Variants in EVL observed in about 807,000 individuals in gnomAD.
The protein encoded by EVL is ena/VASP-like protein.
In EVL, 21 loss-of-function variants were observed where a neutral mutation model predicts 59.6. That is an observed-to-expected ratio of 0.35 (90% CI 0.25 to 0.51). EVL has a LOEUF of 0.51. Ranked by LOEUF, EVL falls within the 20% of genes least tolerant of loss-of-function variation. The pLI, the probability that EVL is intolerant of heterozygous loss-of-function variation, is 0.97. For missense variants in EVL, 462 were observed against 546.6 expected (o/e 0.85, Z 1.54); for synonymous variants, 198 against 203.5 (o/e 0.97, Z 0.23).
chr14:100,124,758 C>T lies in EVL; in HGVS notation c.422+1156C>T, dbSNP rs865975751. Reference sequence around the variant, plus strand: ...GGATGGCTAAATGGGTACTTCATTTCTCTCGAAACTGCTTCATCACCCGCA... The same window carrying T: ...GGATGGCTAAATGGGTACTTCATTTTTCTCGAAACTGCTTCATCACCCGCA... On this transcript the variant is annotated intron_variant, in intron 4 of 13. Transcript: ENST00000392920. 1.2e-4 allele frequency among the ~76,000 whole-genome samples: 18 copies of T among 152,302 alleles called. 1 individual carries two copies. Among genetic ancestry groups the T allele is most frequent in the South Asian group, 4.1e-4 (2 of 4,826 alleles).
chr14:99,971,877 GC>G (rs2060735266), exon 1 of EVL: 1 of 147,204 alleles, frequency 6.8e-6, no homozygotes, highest in African/African-American at 2.5e-5. Context: ...GCAGCTAGCG[GC>G]CCCGACGCCC....
intron 1 of EVL, among the ~76,000 whole-genome samples, chr14:100,031,763 C>T (rs1361211891): frequency 1.3e-5 from 2 of 152,258 alleles, no homozygotes; most frequent in Non-Finnish European, 2.9e-5. Context: ...TGTGACTACT[C>T]TGCCCCCCAT....
At chr14:100,055,572 T>C (rs1443835103) in intron 1 of EVL, among the ~76,000 whole-genome samples, 1 of 152,236 alleles carries the variant, frequency 6.6e-6, no homozygotes, top group African/African-American at 2.4e-5. Flanking sequence ...TGGTATAGAC[T>C]GAAAAGTAAG....
At chr14:100,059,339 A>G (rs1416577944) in intron 1 of EVL, among the ~76,000 whole-genome samples, 1 of 152,180 alleles carries the variant, frequency 6.6e-6, no homozygotes, top group African/African-American at 2.4e-5. Flanking sequence ...GTGGAGCCCA[A>G]ATGGAAAGGT....
intron 1 of EVL, among the ~76,000 whole-genome samples, chr14:100,043,728 T>G (rs2061504562): frequency 6.7e-6 from 1 of 148,222 alleles, no homozygotes; most frequent in South Asian, 2.3e-4. Flanking sequence ...TCCTCCCACC[T>G]CAGCCTCCCA....
At chr14:100,080,859 C>G (rs933009871) in intron 1 of EVL, among the ~76,000 whole-genome samples, 7 of 152,250 alleles carry the variant, frequency 4.6e-5, no homozygotes, top group Non-Finnish European at 5.9e-5. Flanking sequence ...ATAAAAGAAG[C>G]CTGTGAGACT....
At chr14:100,005,846 A>G (rs1361401295) in intron 1 of EVL, among the ~76,000 whole-genome samples, 1 of 152,088 alleles carries the variant, frequency 6.6e-6, no homozygotes, top group Non-Finnish European at 1.5e-5. Context: ...GTCCCGGTGG[A>G]AAAAAAAGAA....
chr14:100,041,994 G>T (rs1204553856), intron 1 of EVL, among the ~76,000 whole-genome samples: 2 of 152,164 alleles, frequency 1.3e-5, no homozygotes, highest in Non-Finnish European at 2.9e-5. Context: ...AATGGGAGCT[G>T]CATGTGGAAT....
At chr14:100,085,472 C>T (rs138346488) in intron 2 of EVL, among the ~76,000 whole-genome samples, 141 of 152,284 alleles carry the variant, frequency 9.3e-4, no homozygotes, top group Non-Finnish European at 1.7e-3. Context: ...ATAGGCTGGG[C>T]GACTTAACCA....
At position 100,143,874 on chromosome 14, in the gene EVL, TG is replaced by T; in HGVS notation, c.*137del. 1 of 1,030,200 alleles carries T rather than the reference TG, an allele frequency of 9.7e-7. No homozygotes were observed. The highest frequency in any genetic ancestry group is 1.4e-6 in the Non-Finnish European group (1 of 708,670). The allele number at this position is 1,030,200 out of a possible 1,614,324, so 63.8% of individuals were successfully genotyped here. ...CGCGCTGCTGTGAAACGTCCTGACC[TG>T]TGATCACACATGACAGTGAGGAAAC... On this transcript the variant is annotated 3_prime_UTR_variant, in exon 14 of 14. Coordinates refer to ENST00000392920, the MANE Select transcript of EVL (RefSeq NM_016337.3).
intron 1 of EVL, among the ~76,000 whole-genome samples, chr14:99,992,768 T>C (rs1198354923): frequency 6.6e-6 from 1 of 152,220 alleles, no homozygotes; most frequent in African/African-American, 2.4e-5. Context: ...CCTTATTTCT[T>C]CTGATCTTAG....
At position 100,141,777 on chromosome 14, in the gene EVL, G is replaced by A. The variant is rs200049868; in HGVS notation, c.1203G>A (p.Lys401=). ...TGGTGAGAGAGCTCCACAAGGTGAA[G>A]GAGGAGATCATCGACGGTGAGTGCA... is the stretch of plus-strand genomic sequence containing the variant. ...EEVVRELHKV[K]EEIIDAIRQE... is the part of the protein sequence containing the mutation. The change falls in exon 13 of 14, where the codon AAG becomes AAA. Residue 401 remains lysine (K), a synonymous_variant. Transcript: ENST00000392920. The A allele has an allele frequency of 5.8e-5, 93 of 1,613,408 alleles. No homozygotes were observed. In the Admixed American group the frequency reaches 8.3e-4, roughly 14 times the overall value.
At chr14:100,104,957 G>A (rs1242164329) in intron 3 of EVL, among the ~76,000 whole-genome samples, 1 of 143,332 alleles carries the variant, frequency 7.0e-6, no homozygotes, top group Non-Finnish European at 1.5e-5. Flanking sequence ...TGTAGCTGAA[G>A]GAGAAGAAGG....
Position 100,127,690 on chromosome 14 carries a change from C to CCGGT in EVL, c.488-826_488-823dup, listed in dbSNP as rs1373892198. Among the ~76,000 whole-genome samples, 1 of 152,200 alleles carries CCGGT rather than the reference C, an allele frequency of 6.6e-6. No individual in the cohort carries two copies. The highest frequency in any genetic ancestry group is 1.5e-5 in the Non-Finnish European group (1 of 68,038). ...CTTCACCTAACTGAACCCCTGCTCT[C>CCGGT]CGGTCGTGTCCCAGCTCCACAGTCA... is the stretch of plus-strand genomic sequence containing the variant. On this transcript the variant is annotated intron_variant, in intron 5 of 13. Transcript: ENST00000392920. The surrounding 1 kb of genome is among the most constrained non-coding windows in gnomAD (Gnocchi z 4.2).
chr14:100,079,667 T>G (rs542554195), intron 1 of EVL, among the ~76,000 whole-genome samples: 1 of 152,292 alleles, frequency 6.6e-6, no homozygotes, highest in South Asian at 2.1e-4. Context: ...GACCTTCCTT[T>G]TTCCCTTACT....
At chr14:100,005,100 CAG>C (rs1207459017) in intron 1 of EVL, among the ~76,000 whole-genome samples, 1 of 152,166 alleles carries the variant, frequency 6.6e-6, no homozygotes, top group Non-Finnish European at 1.5e-5. Flanking sequence ...ATAACAGAGA[CAG>C]TGAAAAAGAT....
At chr14:100,039,094 A>G (rs756043370) in intron 1 of EVL, among the ~76,000 whole-genome samples, 1 of 152,216 alleles carries the variant, frequency 6.6e-6, no homozygotes, top group Non-Finnish European at 1.5e-5. Context: ...TGAGCTTTTC[A>G]AAGTTAAACC....
chr14:100,002,336 C>T (rs1191471441), intron 1 of EVL, among the ~76,000 whole-genome samples: 1 of 152,078 alleles, frequency 6.6e-6, no homozygotes, highest in African/African-American at 2.4e-5. Context: ...CAAAAGGAGA[C>T]AACAATTGTC....
At chr14:100,046,753 C>CT (rs759300292) in intron 1 of EVL, among the ~76,000 whole-genome samples, 2,107 of 132,508 alleles carry the variant, frequency 0.016, 43 homozygotes, top group African/African-American at 0.026. Flanking sequence ...CTTTTTCTTT[C>CT]TTTTTTTTTT....
Sources: allele counts gnomAD v4.1 joint callset (sites outside exome capture counted in the v4.1 genomes callset), GRCh38; gene constraint gnomAD v4.1.1; non-coding constraint Gnocchi (gnomAD v3.1); transcripts MANE v1.5; gene names NCBI Gene and HGNC (gene_info 2026-07-23, HGNC 2026-07-21).